Variants in GRID1 observed in about 807,000 individuals in gnomAD.
GRID1 encodes the protein glutamate receptor ionotropic, delta-1.
A neutral mutation model predicts 98.0 loss-of-function variants in GRID1; 28 were observed. The observed-to-expected ratio is 0.29, with a 90% CI of 0.21 to 0.39. The LOEUF (loss-of-function observed/expected upper bound fraction) is 0.39, where lower values mean the gene tolerates loss of function less well. Among genes scored for constraint, GRID1 ranks in the 10% least tolerant of loss-of-function variants. GRID1 has a pLI of 1.00. For synonymous variants in GRID1, 553 were observed against 538.5 expected (o/e 1.03, Z -0.37); for missense variants, 1,111 against 1,340.5 (o/e 0.83, Z 2.67).
At chr10:85,805,676 T>A (rs888345666) in intron 8 of GRID1, among the ~76,000 whole-genome samples, 1 of 151,816 alleles carries the variant, frequency 6.6e-6, no homozygotes, top group Non-Finnish European at 1.5e-5. Flanking sequence ...TGGAAAAAGA[T>A]CCACATATAC....
intron 8 of GRID1, among the ~76,000 whole-genome samples, chr10:85,785,897 C>T (rs1842424204): frequency 6.6e-6 from 1 of 151,918 alleles, no homozygotes; most frequent in Admixed American, 6.5e-5. Flanking sequence ...CCCACACCCA[C>T]ACACTACACA....
At chr10:85,700,425 A>G (rs986001401) in intron 12 of GRID1, among the ~76,000 whole-genome samples, 3 of 152,116 alleles carry the variant, frequency 2.0e-5, no homozygotes, top group Non-Finnish European at 4.4e-5. Context: ...CTGCCTTCCA[A>G]CCTGAGCCTC....
At chr10:86,340,940 G>A (rs1252500888) in intron 2 of GRID1, among the ~76,000 whole-genome samples, 1 of 152,086 alleles carries the variant, frequency 6.6e-6, no homozygotes, top group Non-Finnish European at 1.5e-5. Context: ...AGGACCACAG[G>A]CAGCCCCCAA....
intron 2 of GRID1, among the ~76,000 whole-genome samples, chr10:86,329,615 C>A (rs898079162): frequency 6.6e-6 from 1 of 152,152 alleles, no homozygotes; most frequent in Non-Finnish European, 1.5e-5. Flanking sequence ...CTGTGACCAT[C>A]CCCTGGTCCA....
intron 4 of GRID1, among the ~76,000 whole-genome samples, chr10:86,109,841 C>A (rs961588857): frequency 2.0e-5 from 3 of 152,202 alleles, no homozygotes; most frequent in Admixed American, 2.0e-4. Context: ...GGTCCAAATC[C>A]TGCTTCTGTG....
chr10:85,602,816 C>T (rs917845409), intron 15 of GRID1, 115 bp from the exon 16 acceptor site: 21 of 704,016 alleles, frequency 3.0e-5, no homozygotes, highest in South Asian at 1.3e-4. Context: ...GGGCTGTGGG[C>T]GAGTATCCCT....
intron 2 of GRID1, among the ~76,000 whole-genome samples, chr10:86,358,382 C>T (rs748856890): frequency 1.2e-4 from 19 of 152,156 alleles, no homozygotes; most frequent in Non-Finnish European, 2.5e-4. Context: ...AAGATGTCTA[C>T]ATCCTAATCC....
intron 4 of GRID1, among the ~76,000 whole-genome samples, chr10:85,921,320 G>A (rs533315044): frequency 2.6e-5 from 4 of 152,358 alleles, no homozygotes; most frequent in South Asian, 2.1e-4. Context: ...AAAGAAGGCC[G>A]AAGGCAGCTG....
At chr10:85,622,820 T>C (rs528807174) in intron 13 of GRID1, among the ~76,000 whole-genome samples, 1 of 152,178 alleles carries the variant, frequency 6.6e-6, no homozygotes, top group South Asian at 2.1e-4. Context: ...GAGGGGAGGA[T>C]GGACTGTGGT....
At chr10:85,808,168 C>A (rs1458035994) in intron 8 of GRID1, among the ~76,000 whole-genome samples, 3 of 152,104 alleles carry the variant, frequency 2.0e-5, no homozygotes, top group African/African-American at 7.2e-5. Flanking sequence ...CAAGGTTACT[C>A]CTGCAATAAC....
chr10:86,158,284 G>A (rs1271025049), intron 3 of GRID1, among the ~76,000 whole-genome samples: 1 of 152,158 alleles, frequency 6.6e-6, no homozygotes, highest in Non-Finnish European at 1.5e-5. Flanking sequence ...CCCTACCAAT[G>A]AAAACACTGA....
intron 3 of GRID1, among the ~76,000 whole-genome samples, chr10:86,204,003 G>A (rs748723212): frequency 1.2e-4 from 18 of 152,198 alleles, no homozygotes; most frequent in Non-Finnish European, 4.4e-5. Context: ...ATAAGGAGCA[G>A]TCTGGTTGGA....
rs1315014254 is a variant in GRID1 at position 85,911,327 on chromosome 10, T to C, written c.780+4859A>G. On this transcript the variant is annotated intron_variant, in intron 5 of 15. Transcript: ENST00000327946. The stretch of plus-strand genomic sequence containing the variant: ...AAGTACGCTGAGTTCGAGGTGGTGA[T>C]GGAGCTTCCAAGTGGCCAAGTCAAG... Among the ~76,000 whole-genome samples, 3 of 152,268 alleles carry C rather than the reference T, an allele frequency of 2.0e-5. No individual in the cohort carries two copies. The East Asian group carries it at 5.8e-4, about 29-fold the overall frequency.
At chr10:86,360,419 C>T (rs1022792350) in intron 2 of GRID1, among the ~76,000 whole-genome samples, 1 of 152,214 alleles carries the variant, frequency 6.6e-6, no homozygotes, top group African/African-American at 2.4e-5. Context: ...GTACCTTCCA[C>T]ATTTTATATA....
intron 8 of GRID1, among the ~76,000 whole-genome samples, chr10:85,812,542 C>T (rs1590243137): frequency 6.6e-6 from 1 of 152,112 alleles, no homozygotes; most frequent in South Asian, 2.1e-4. Flanking sequence ...TCTTAATTTA[C>T]TTAAAAGACA....
chr10:86,182,070 G>A (rs906351360), intron 3 of GRID1, among the ~76,000 whole-genome samples: 9 of 152,274 alleles, frequency 5.9e-5, no homozygotes, highest in Non-Finnish European at 8.8e-5. Context: ...CTCCGCACTC[G>A]ACCCCTGCAT....
chr10:85,649,754 A>C (rs1313739724), intron 12 of GRID1, among the ~76,000 whole-genome samples: 1 of 152,096 alleles, frequency 6.6e-6, no homozygotes, highest in African/African-American at 2.4e-5. Flanking sequence ...GGCTCAGGGA[A>C]CGTCTCTGGT....
At chr10:85,880,389 C>A (rs1260120700) in intron 5 of GRID1, among the ~76,000 whole-genome samples, 1 of 152,204 alleles carries the variant, frequency 6.6e-6, no homozygotes, top group Admixed American at 6.5e-5. Context: ...TACTGGCAAA[C>A]TGAATCCAGC....
chr10:85,989,537 C>T (rs1450178841), intron 4 of GRID1, among the ~76,000 whole-genome samples: 1 of 152,328 alleles, frequency 6.6e-6, no homozygotes, highest in East Asian at 1.9e-4. Flanking sequence ...GTTCAATCAG[C>T]ATCGGCATTT....
Sources: allele counts gnomAD v4.1 joint callset (sites outside exome capture counted in the v4.1 genomes callset), GRCh38; gene constraint gnomAD v4.1.1; transcripts MANE v1.5; gene names NCBI Gene and HGNC (gene_info 2026-07-23, HGNC 2026-07-21).